SGCD: variants seen among roughly 807,000 people sequenced by gnomAD.
SGCD encodes the protein delta-sarcoglycan.
A neutral mutation model predicts 36.6 loss-of-function variants in SGCD; 18 were observed. That is an observed-to-expected ratio of 0.49 (90% confidence interval 0.34 to 0.73). SGCD has a LOEUF of 0.73. Among genes scored for constraint, SGCD ranks in the 30% least tolerant of loss-of-function variants. SGCD has a pLI of 0.01. For synonymous variants in SGCD, 133 were observed against 130.6 expected (o/e 1.02, Z -0.12); for missense variants, 387 against 346.7 (o/e 1.12, Z -0.92).
At chr5:156,354,426 A>C (rs1769404984) in intron 3 of SGCD, among the ~76,000 whole-genome samples, 1 of 152,176 alleles carries the variant, frequency 6.6e-6, no homozygotes, top group Non-Finnish European at 1.5e-5. Context: ...TAAAGTCAAA[A>C]AGGCTGCAAA....
At position 156,504,390 on chromosome 5, in the gene SGCD, GTGTATATATA is replaced by G. The variant is rs1280913915; in HGVS notation, c.193-4209_193-4200del. 6.6e-3 allele frequency among the ~76,000 whole-genome samples: 838 copies of G among 126,424 alleles called. 12 individuals are homozygous for G. The highest frequency in any genetic ancestry group is 0.024 in the African/African-American group (674 of 28,082). 82.9% of individuals were successfully genotyped at this position (126,424 alleles called of 152,430 possible). A position where few individuals can be genotyped will look rare whatever the true frequency, so the allele number is the denominator to read the frequency against. On this transcript the variant is annotated intron_variant, in intron 3 of 8. Coordinates refer to ENST00000337851, the MANE Select transcript of SGCD (RefSeq NM_000337.6). ...TACATGAGTATATGTGGGTGTGTGTGTGTATATATATATATATATATATATATATATATAT... is the reference window on the plus strand; with the variant it reads ...TACATGAGTATATGTGGGTGTGTGTGTATATATATATATATATATATATAT...
At chr5:155,932,403 G>T (rs924294929) in intron 1 of SGCD, among the ~76,000 whole-genome samples, 3 of 152,148 alleles carry the variant, frequency 2.0e-5, no homozygotes, top group African/African-American at 7.2e-5. Context: ...TTATCAAACA[G>T]TTGTCATCCA....
the SGCD span, among the ~76,000 whole-genome samples, chr5:155,796,076 A>G: frequency 6.6e-6 from 1 of 152,224 alleles, no homozygotes; most frequent in Non-Finnish European, 1.5e-5. Flanking sequence ...ATCAATAAGG[A>G]TATTGAAGAT....
chr5:156,077,661 C>T (rs572402753), intron 1 of SGCD, among the ~76,000 whole-genome samples: 1 of 152,248 alleles, frequency 6.6e-6, no homozygotes, highest in East Asian at 1.9e-4. Context: ...CCTTCTTCTC[C>T]TCTCCAATAG....
rs1760621816 is a variant in SGCD at position 156,072,727 on chromosome 5, T to A, written c.-281-45151T>A. Among the ~76,000 whole-genome samples, 21 of 152,324 alleles carry A rather than the reference T, an allele frequency of 1.4e-4. No homozygotes were observed. The South Asian group carries it at 4.4e-3, about 32-fold the overall frequency. On this transcript the variant is annotated intron_variant, in intron 1 of 9. Coordinates refer to the SGCD transcript ENST00000517913. The stretch of plus-strand genomic sequence containing the variant: ...CCTGGATAATGTCCTGCAGAGTGTT[T>A]TCCAACTTGGTTCCATTCTCCCCAT...
At chr5:156,287,433 C>T (rs1766637322) in intron 3 of SGCD, among the ~76,000 whole-genome samples, 1 of 151,892 alleles carries the variant, frequency 6.6e-6, no homozygotes, top group Admixed American at 6.6e-5. Flanking sequence ...ACCGAAGGAA[C>T]AGAAACAAGG....
chr5:155,944,140 C>T lies in SGCD; in HGVS notation c.-282+73716C>T, dbSNP rs374292889. 5.5e-4 allele frequency among the ~76,000 whole-genome samples: 83 copies of T among 152,256 alleles called. 1 individual carries two copies. The highest frequency in any genetic ancestry group is 1.9e-3 in the African/African-American group (80 of 41,550). On this transcript the variant is annotated intron_variant, in intron 1 of 9. Transcript: ENST00000517913. ...TATTCATTTCTCATGGGATGCAGAC[C>T]ATTTATCAGCCTGATTGCCTTCCTC... is the stretch of plus-strand genomic sequence containing the variant.
Position 156,218,725 on chromosome 5 carries a change from CT to C in SGCD, c.-44+94709del, listed in dbSNP as rs1331989637. Among the ~76,000 whole-genome samples, 12 of 152,306 alleles carry C rather than the reference CT, an allele frequency of 7.9e-5. No individual in the cohort carries two copies. The East Asian group carries it at 2.3e-3, about 29-fold the overall frequency. On this transcript the variant is annotated intron_variant, in intron 3 of 9. Transcript: ENST00000517913. Reference sequence around the variant, plus strand: ...TCATTTCTTTGCAAGCATTAGCACTCTTTCTACCAGTGGGTGAAAGAAAGGC... The same window carrying C: ...TCATTTCTTTGCAAGCATTAGCACTCTTCTACCAGTGGGTGAAAGAAAGGC...
At chr5:155,770,264 G>A in the SGCD span, among the ~76,000 whole-genome samples, 2 of 152,034 alleles carry the variant, frequency 1.3e-5, no homozygotes, top group Non-Finnish European at 2.9e-5. Context: ...AGCAATGATA[G>A]GGTGGGCACA....
the SGCD span, among the ~76,000 whole-genome samples, chr5:155,765,660 G>A: frequency 6.6e-6 from 1 of 152,112 alleles, no homozygotes; most frequent in African/African-American, 2.4e-5. Flanking sequence ...GTATTTCAAA[G>A]TGAGTAACCA....
intron 3 of SGCD, among the ~76,000 whole-genome samples, chr5:156,283,990 C>A (rs1157051721): frequency 6.6e-6 from 1 of 152,106 alleles, no homozygotes; most frequent in East Asian, 1.9e-4. Flanking sequence ...TGTGTATGTA[C>A]ATGGGTAACT....
intron 1 of SGCD, among the ~76,000 whole-genome samples, chr5:155,933,630 C>T (rs918312813): frequency 1.1e-4 from 16 of 152,180 alleles, no homozygotes; most frequent in African/African-American, 3.9e-4. Flanking sequence ...GAACTGACAG[C>T]TTTGGTGCTT....
intron 3 of SGCD, among the ~76,000 whole-genome samples, chr5:156,294,659 A>C (rs1435804819): frequency 6.6e-6 from 1 of 152,012 alleles, no homozygotes. Context: ...GTTTCCTTCT[A>C]TTTTTAGCTT....
At chr5:156,746,023 T>TA (rs796419875) in intron 7 of SGCD, among the ~76,000 whole-genome samples, 1,764 of 133,180 alleles carry the variant, frequency 0.013, 27 homozygotes, top group African/African-American at 0.044. Context: ...GTTTAAAGGG[T>TA]AAAAAAAAAA....
intron 7 of SGCD, among the ~76,000 whole-genome samples, chr5:156,670,460 T>C (rs1267913363): frequency 6.6e-6 from 1 of 152,210 alleles, no homozygotes; most frequent in African/African-American, 2.4e-5. Flanking sequence ...GACTCTTCCT[T>C]TTTTTCCCCT....
chr5:156,522,121 C>G (rs191152080), intron 4 of SGCD, among the ~76,000 whole-genome samples: 1 of 152,198 alleles, frequency 6.6e-6, no homozygotes, highest in Non-Finnish European at 1.5e-5. Flanking sequence ...CGCATGTTCT[C>G]ACTTGTGTGG....
At chr5:156,574,512 C>T (rs1308407609) in intron 4 of SGCD, among the ~76,000 whole-genome samples, 1 of 152,088 alleles carries the variant, frequency 6.6e-6, no homozygotes, top group African/African-American at 2.4e-5. Context: ...TCAGAAATAG[C>T]ACAGCTAGGA....
chr5:156,392,558 T>C (rs1474687155), intron 3 of SGCD, among the ~76,000 whole-genome samples: 5 of 152,218 alleles, frequency 3.3e-5, no homozygotes, highest in African/African-American at 1.2e-4. Flanking sequence ...AGTTTAACCA[T>C]CATAGGCAGC....
intron 4 of SGCD, among the ~76,000 whole-genome samples, chr5:156,510,972 A>AC (rs1756901437): frequency 6.6e-6 from 1 of 152,212 alleles, no homozygotes; most frequent in Non-Finnish European, 1.5e-5. Context: ...CCTCTCTGGA[A>AC]ATTGACAGAC....
Sources: allele counts gnomAD v4.1 joint callset (sites outside exome capture counted in the v4.1 genomes callset), GRCh38; gene constraint gnomAD v4.1.1; transcripts MANE v1.5; gene names NCBI Gene and HGNC (gene_info 2026-07-23, HGNC 2026-07-21).